The following MAGEC3 variants were observed in gnomAD, a reference collection of about 807,000 sequenced individuals.
MAGEC3 encodes the protein melanoma-associated antigen C3.
In MAGEC3, 34 loss-of-function variants were observed where a neutral mutation model predicts 35.3. The observed-to-expected ratio is 0.96, with a 90% CI of 0.73 to 1.28. The LOEUF (loss-of-function observed/expected upper bound fraction) is 1.28, where lower values mean the gene tolerates loss of function less well. Ranked by LOEUF, MAGEC3 falls within the 50% of genes most tolerant of loss-of-function variation. The pLI is 0.00. For synonymous variants in MAGEC3, 202 were observed against 185.6 expected, an observed-to-expected ratio of 1.09 and a Z score of -0.72; for missense variants, 561 against 483.6, an observed-to-expected ratio of 1.16 and a Z score of -1.50.
chrX:141,864,782 T>TA (rs2017837803), intron 1 of MAGEC3, among the ~76,000 whole-genome samples: 2 of 111,176 alleles, frequency 1.8e-5, no homozygotes, highest in African/African-American at 6.6e-5. Context: ...TAAAATAAAT[T>TA]TAAAAAAAAG....
intron 1 of MAGEC3, among the ~76,000 whole-genome samples, chrX:141,845,464 T>C (rs1005850538): frequency 1.2e-4 from 13 of 111,007 alleles, no homozygotes; most frequent in Non-Finnish European, 7.6e-5. Flanking sequence ...GTCGTAAATA[T>C]CATCATTTCA....
rs2018069244 is a variant in MAGEC3 at position 141,894,582 on chromosome X, G to C, written c.910-687G>C. 2.2e-5 allele frequency: 19 copies of C among 879,788 alleles called. No homozygotes were observed. The South Asian group carries it at 4.5e-4, about 21-fold the overall frequency. 72.5% of individuals were successfully genotyped at this position (879,788 alleles called of 1,213,427 possible). A position where few individuals can be genotyped will look rare whatever the true frequency, so the allele number is the denominator to read the frequency against. ...CGGGACAGGAGAAGGGGGGAGTGCC[G>C]GCCCTGGAAGGAGTAAAACCTTGAG... On this transcript the variant is annotated intron_variant, in intron 4 of 7. Coordinates refer to ENST00000298296, the MANE Select transcript of MAGEC3 (RefSeq NM_138702.1).
intron 4 of MAGEC3, among the ~76,000 whole-genome samples, chrX:141,884,677 A>G (rs1001440447): frequency 9.0e-6 from 1 of 111,669 alleles, no homozygotes; most frequent in Non-Finnish European, 1.9e-5. Flanking sequence ...GAGAACACCG[A>G]TAGCCTTTGG....
At chrX:141,879,549 G>A in intron 3 of MAGEC3, 118 bp downstream of exon 3, 1 of 899,821 alleles carries the variant, frequency 1.1e-6, no homozygotes, top group Non-Finnish European at 1.5e-6. Context: ...GGGGTGGAGG[G>A]GGCCCAGGAG....
At chrX:141,895,933 G>A in intron 6 of MAGEC3, among the ~76,000 whole-genome samples, 1 of 111,846 alleles carries the variant, frequency 8.9e-6, no homozygotes, top group East Asian at 2.8e-4. Context: ...GTGCTGGGAG[G>A]TGGCTGCCAC....
chrX:141,853,422 T>C (rs767653243), intron 1 of MAGEC3, among the ~76,000 whole-genome samples: 1 of 111,849 alleles, frequency 8.9e-6, no homozygotes, highest in Non-Finnish European at 1.9e-5. Context: ...TGTTAAAAGA[T>C]TTAATTTGAG....
At position 141,881,649 on chromosome X, in the gene MAGEC3, C is replaced by G; in HGVS notation, c.762C>G (p.Asn254Lys). ...CCGACCATTTCTATGTCTTTGTAAACACATTAGACCTCACCTGTGAGGGGA... is the reference window on the plus strand; with the variant it reads ...CCGACCATTTCTATGTCTTTGTAAAGACATTAGACCTCACCTGTGAGGGGA... ...VDPDHFYVFV[N>K]TLDLTCEGSL... The change falls in exon 4 of 8, where the codon AAC becomes AAG. Residue 254 changes from asparagine to lysine, a missense_variant. By Grantham distance (94) the Asn-to-Lys change is moderately conservative. Transcript: ENST00000298296. 8.3e-7 allele frequency: 1 copy of G among 1,211,564 alleles called. No individual in the cohort carries two copies.
rs778747800 is a variant in MAGEC3, at chrX:141,885,064, G to A, written c.909+3268G>A. On this transcript the variant is annotated intron_variant, in intron 4 of 7. Transcript: ENST00000298296. ...TGAGGCAGTTGCCAGGCAAGATAGT[G>A]TTGCTTCTTCTCAGGACCCACCCCC... 3.4e-3 allele frequency among the ~76,000 whole-genome samples: 385 copies of A among 111,762 alleles called. 3 individuals carry two copies. The highest frequency in any genetic ancestry group is 4.5e-3 in the Non-Finnish European group (237 of 53,159).
rs1184910567 is a variant in MAGEC3, at chrX:141,865,524, G to A, written c.177G>A (p.Leu59=). 1 of 1,210,991 alleles carries A rather than the reference G, an allele frequency of 8.3e-7. No homozygotes were observed. The highest frequency in any genetic ancestry group is 1.1e-6 in the Non-Finnish European group (1 of 895,157). Residue 59 remains leucine (L), a synonymous_variant, in exon 2 of 8, where the codon CTG becomes CTA. Transcript: ENST00000298296. ...KDYSAFHLGH[L]REVRLFLRGG... ...ATTCTGCCTTTCATCTTGGGCATCTGAGGGAGGTGAGGCTTTTTCTGAGGG... is the reference window on the plus strand; with the variant it reads ...ATTCTGCCTTTCATCTTGGGCATCTAAGGGAGGTGAGGCTTTTTCTGAGGG...
At chrX:141,848,969 T>G (rs2124085490) in intron 1 of MAGEC3, among the ~76,000 whole-genome samples, 1 of 111,183 alleles carries the variant, frequency 9.0e-6, no homozygotes, top group African/African-American at 3.3e-5. Context: ...TTAAAATAAA[T>G]ACATTTATAG....
chrX:141,894,319 A>G (rs1376494984), intron 4 of MAGEC3, among the ~76,000 whole-genome samples: 2 of 112,216 alleles, frequency 1.8e-5, no homozygotes, highest in African/African-American at 3.2e-5. Context: ...AATAAAAATT[A>G]TAATAAAAAT....
intron 4 of MAGEC3, among the ~76,000 whole-genome samples, chrX:141,882,372 A>G (rs1286437847): frequency 2.7e-5 from 3 of 112,207 alleles, no homozygotes; most frequent in Non-Finnish European, 1.9e-5. Flanking sequence ...TATTAGTCAC[A>G]CATATATTGC....
chrX:141,846,664 A>G (rs979758310), intron 1 of MAGEC3, among the ~76,000 whole-genome samples: 1 of 111,281 alleles, frequency 9.0e-6, no homozygotes, highest in African/African-American at 3.2e-5. Context: ...CAGTATGTTA[A>G]TTCTACTCTG....
At chrX:141,848,714 A>G (rs1429444753) in intron 1 of MAGEC3, among the ~76,000 whole-genome samples, 1 of 111,487 alleles carries the variant, frequency 9.0e-6, no homozygotes, top group Non-Finnish European at 1.9e-5. Context: ...AAAGCGATTT[A>G]TAGATTCAAT....
intron 1 of MAGEC3, among the ~76,000 whole-genome samples, chrX:141,850,888 G>T (rs2017747301): frequency 9.0e-6 from 1 of 111,041 alleles, no homozygotes; most frequent in African/African-American, 3.3e-5. Context: ...TGTTGAATCA[G>T]ACTCAAGAAG....
intron 1 of MAGEC3, among the ~76,000 whole-genome samples, chrX:141,860,583 G>A (rs1045574884): frequency 8.9e-6 from 1 of 112,072 alleles, no homozygotes; most frequent in Non-Finnish European, 1.9e-5. Flanking sequence ...TAAACAAGAT[G>A]TGGTACAGAC....
At chrX:141,894,562 C>G (rs2018068827) in intron 4 of MAGEC3, 1 of 781,946 alleles carries the variant, frequency 1.3e-6, no homozygotes, top group African/African-American at 2.2e-5. Context: ...GCTGTCGGGA[C>G]AGGAGAAGGG....
At chrX:141,874,777 A>G (rs1313877356) in intron 2 of MAGEC3, among the ~76,000 whole-genome samples, 1 of 106,947 alleles carries the variant, frequency 9.4e-6, no homozygotes, top group Non-Finnish European at 1.9e-5. Context: ...CACTCTAGAA[A>G]CAGAATTGTA....
intron 2 of MAGEC3, among the ~76,000 whole-genome samples, chrX:141,872,222 G>A (rs1013366987): frequency 1.8e-5 from 2 of 111,308 alleles, no homozygotes; most frequent in African/African-American, 3.3e-5. Context: ...GCCATTGGCT[G>A]TCGTTATCTA....
Sources: gnomAD v4.1 joint callset for allele counts (sites outside exome capture counted in the v4.1 genomes callset) on GRCh38, gnomAD v4.1.1 for gene constraint, MANE v1.5 for transcripts, NCBI Gene and HGNC (gene_info 2026-07-23, HGNC 2026-07-21) for gene names.